Variants in SERPINB4 observed in about 807,000 individuals in gnomAD.
SERPINB4 encodes the protein serpin family B member 4, also known as serpin B4.
Under a neutral mutation model 33.2 loss-of-function variants are expected in SERPINB4, and 39 were observed. That is an observed-to-expected ratio of 1.18 (90% CI 0.91 to 1.53). The LOEUF is 1.53. SERPINB4 is among the 40% of genes most tolerant of loss of function. SERPINB4 has a pLI of 0.00. For missense variants in SERPINB4, 564 were observed against 455.4 expected, an observed-to-expected ratio of 1.24 and a Z score of -2.17; for synonymous variants, 191 against 166.4, an observed-to-expected ratio of 1.15 and a Z score of -1.14.
In SERPINB4 at chr18:63,637,912, T is replaced by G. The variant is rs533671212; in HGVS notation, c.980A>C (p.Lys327Thr). 1 of 1,613,562 alleles carries G rather than the reference T, an allele frequency of 6.2e-7. No homozygotes were observed. The highest frequency in any genetic ancestry group is 1.1e-5 in the South Asian group (1 of 91,068). ...MTWSHGLSVS[K>T]VLHKAFVEVT... The stretch of plus-strand genomic sequence containing the variant: ...CTCCACAAAGGCCTTGTGTAGGACT[T>G]TAGATACTGAGAGACCGTGGCTCCA... The change falls in exon 8 of 8, where the codon AAA becomes ACA. Residue 327 changes from lysine (K) to threonine (T), a missense_variant. Lys to Thr is a moderately conservative substitution (Grantham distance 78). Coordinates refer to ENST00000341074, the MANE Select transcript of SERPINB4 (RefSeq NM_002974.4).
chr18:63,640,752 C>T (rs1296844723), intron 5 of SERPINB4, 122 bp downstream of exon 5: 2 of 763,684 alleles, frequency 2.6e-6, no homozygotes, highest in Non-Finnish European at 4.3e-6. Flanking sequence ...CTGGAGTGCC[C>T]TCTTCAGCCC....
At chr18:63,638,469 C>T (rs1239435364) in intron 7 of SERPINB4, among the ~76,000 whole-genome samples, 1 of 151,810 alleles carries the variant, frequency 6.6e-6, no homozygotes, top group Non-Finnish European at 1.5e-5. Flanking sequence ...TTTCTTGTGC[C>T]AACAGCCTAC....
chr18:63,638,519 G>C (rs1361997403), intron 7 of SERPINB4, among the ~76,000 whole-genome samples: 4 of 151,750 alleles, frequency 2.6e-5, no homozygotes, highest in African/African-American at 9.7e-5. Flanking sequence ...ATATTTTTCT[G>C]TATACATTAT....
At chr18:63,641,443 C>T (rs1470351553) in intron 4 of SERPINB4, among the ~76,000 whole-genome samples, 1 of 152,098 alleles carries the variant, frequency 6.6e-6, no homozygotes, top group African/African-American at 2.4e-5. Flanking sequence ...ATACATTTCC[C>T]ACCAAGATGT....
Position 63,639,712 on chromosome 18 carries a change from G to A in SERPINB4, c.534C>T (p.Asn178=), listed in dbSNP as rs763091506. 7.0e-5 allele frequency: 113 copies of A among 1,611,136 alleles called. 1 individual carries two copies. The East Asian group carries it at 1.6e-3, about 23-fold the overall frequency. The change falls in exon 6 of 8, where the codon AAC becomes AAT. Residue 178 remains asparagine, a synonymous_variant. Transcript: ENST00000341074. ...IGNDTTLVLV[N]AIYFKGQWEN... is the part of the protein sequence containing the mutation. ...CCCACTGCCCTTTGAAATAGATTGC[G>A]TTCACAAGAACCAGTGTCGTATCAT... is the stretch of plus-strand genomic sequence containing the variant.
intron 7 of SERPINB4, 57 bp from the exon 8 acceptor site, chr18:63,638,180 T>G: frequency 6.5e-7 from 1 of 1,542,698 alleles, no homozygotes; most frequent in Non-Finnish European, 8.7e-7. Flanking sequence ...TAATACACCT[T>G]AACAATGAAT....
intron 3 of SERPINB4, among the ~76,000 whole-genome samples, chr18:63,642,214 G>A (rs1443273498): frequency 2.6e-5 from 4 of 152,096 alleles, no homozygotes; most frequent in East Asian, 1.9e-4. Context: ...AGCTCCTTAT[G>A]GGCAAGGACC....
Position 63,643,437 on chromosome 18 carries a change from G to T in SERPINB4, c.141C>A (p.Asp47Glu). 1 of 1,613,732 alleles carries T rather than the reference G, an allele frequency of 6.2e-7. No homozygotes were observed. Among genetic ancestry groups the T allele is most frequent in the Non-Finnish European group, 8.5e-7 (1 of 1,179,736 alleles). The change falls in exon 2 of 8, where the codon GAC (aspartate) becomes GAA (glutamate). Residue 47 changes from aspartate to glutamate, a missense_variant. Transcript: ENST00000341074. ...CCTTGCTAATTTGTTGTGCAGTGTTGTCTTTGGCTCCTAAGAGGACCATCC... is the reference window on the plus strand; with the variant it reads ...CCTTGCTAATTTGTTGTGCAGTGTTTTCTTTGGCTCCTAAGAGGACCATCC... ...ALGMVLLGAKDNTAQQISKVL... is the reference protein window; with the variant it reads ...ALGMVLLGAKENTAQQISKVL...
intron 4 of SERPINB4, among the ~76,000 whole-genome samples, 176 bp from the exon 5 acceptor site, chr18:63,641,167 G>C (rs778129627): frequency 2.0e-4 from 30 of 152,038 alleles, no homozygotes; most frequent in African/African-American, 7.2e-5. Context: ...AGGGGAATGT[G>C]GGCTGGCACA....
At chr18:63,643,380 G>A in intron 2 of SERPINB4, 33 bp downstream of exon 2, 1 of 1,612,818 alleles carries the variant, frequency 6.2e-7, no homozygotes, top group Non-Finnish European at 8.5e-7. Context: ...GAGAAAAACT[G>A]CAACAGGACA....
In SERPINB4 at chr18:63,643,504, T is replaced by C. The variant is rs55883719; in HGVS notation, c.74A>G (p.Asn25Ser). ...GCTGATAGGGGAATAGAAGATGTTG[T>C]TCTCTTTTGATTTTCTGAACTGTTG... ...LFQQFRKSKE[N>S]NIFYSPISIT... Residue 25 changes from asparagine to serine, a missense_variant, in exon 2 of 8, where the codon AAC becomes AGC. Transcript: ENST00000341074. 1.0e-2 allele frequency: 16,133 copies of C among 1,613,714 alleles called. 1,065 individuals are homozygous for C. In the African/African-American group the frequency reaches 0.16, roughly 16 times the overall value.
chr18:63,643,031 C>T, intron 3 of SERPINB4, 130 bp downstream of exon 3: 1 of 1,098,222 alleles, frequency 9.1e-7, no homozygotes, highest in East Asian at 2.5e-5. Context: ...CCAACCCACT[C>T]TGTATGTCTC....
Position 63,638,051 on chromosome 18 carries a change from C to A in SERPINB4, c.841G>T (p.Asp281Tyr), listed in dbSNP as rs750116682. 6.2e-7 allele frequency: 1 copy of A among 1,613,488 alleles called. No homozygotes were observed. Among genetic ancestry groups the A allele is most frequent in the Non-Finnish European group, 8.5e-7 (1 of 1,179,698 alleles). The stretch of plus-strand genomic sequence containing the variant: ...ATTTTGAACCGAGGTAAGTGTAAAT[C>A]GACACATGTCTCTCTCATATTCTGC... The part of the protein sequence containing the change: ...SLQNMRETCV[D>Y]LHLPRFKMEE... The change falls in exon 8 of 8, where the codon GAT becomes TAT. Residue 281 changes from aspartate (D) to tyrosine (Y), a missense_variant. Asp to Tyr is a radical substitution (Grantham distance 160). Transcript: ENST00000341074.
At chr18:63,640,807 G>T (rs1326758025) in intron 5 of SERPINB4, 67 bp downstream of exon 5, 46 of 1,348,082 alleles carry the variant, frequency 3.4e-5, no homozygotes, top group Non-Finnish European at 4.7e-5. Flanking sequence ...CCCCCATGCA[G>T]TGTCAAGCAC....
chr18:63,642,827 C>A (rs540705611), intron 3 of SERPINB4: 11 of 243,908 alleles, frequency 4.5e-5, no homozygotes, highest in Middle Eastern at 1.4e-3. Context: ...CAGATTTTTT[C>A]TTACCCTTAG....
rs1912955288 is a variant in SERPINB4, at chr18:63,637,338, A to G, written c.*381T>C. The G allele has an allele frequency of 6.1e-6, 1 of 164,094 alleles. No homozygotes were observed. 10.2% of individuals were successfully genotyped at this position (164,094 alleles called of 1,614,324 possible). Reference sequence around the variant, plus strand: ...GAAACATAAGAAGGATTTAGGTATCACCTAAATTCAAAGAAATGTGTGTTT... The same window carrying G: ...GAAACATAAGAAGGATTTAGGTATCGCCTAAATTCAAAGAAATGTGTGTTT... On this transcript the variant is annotated 3_prime_UTR_variant, in exon 8 of 8. Coordinates refer to ENST00000341074, the MANE Select transcript of SERPINB4 (RefSeq NM_002974.4).
rs755859004 is a variant in SERPINB4, at chr18:63,637,653, A to G, written c.*66T>C. 1.0e-4 allele frequency: 148 copies of G among 1,474,018 alleles called. No homozygotes were observed. The highest frequency in any genetic ancestry group is 1.2e-4 in the Non-Finnish European group (136 of 1,096,918). 91.3% of individuals were successfully genotyped at this position (1,474,018 alleles called of 1,614,324 possible). A position where few individuals can be genotyped will look rare whatever the true frequency, so the allele number is the denominator to read the frequency against. On this transcript the variant is annotated 3_prime_UTR_variant, in exon 8 of 8. Transcript: ENST00000341074. ...TGAGCCAAGAGAATCTGTTGTTGCC[A>G]GCAATCAGTTTACCAGAACACCTCT...
intron 5 of SERPINB4, 145 bp from the exon 6 acceptor site, chr18:63,639,921 G>T: frequency 1.3e-6 from 1 of 756,998 alleles, no homozygotes; most frequent in East Asian, 2.7e-5. Context: ...TGAATTGTTA[G>T]ACTCACTGAC....
intron 7 of SERPINB4, among the ~76,000 whole-genome samples, chr18:63,638,859 C>T (rs1165124598): frequency 6.7e-6 from 1 of 149,666 alleles, no homozygotes; most frequent in Non-Finnish European, 1.5e-5. Flanking sequence ...ATACCTAACG[C>T]TAAATGACGA....
Sources: allele counts gnomAD v4.1 joint callset (sites outside exome capture counted in the v4.1 genomes callset), GRCh38; gene constraint gnomAD v4.1.1; transcripts MANE v1.5; gene names NCBI Gene and HGNC (gene_info 2026-07-23, HGNC 2026-07-21).